Variants in IL4R observed in about 807,000 individuals in gnomAD.
The protein encoded by IL4R is interleukin 4 receptor.
A neutral mutation model predicts 41.5 loss-of-function variants in IL4R; 17 were observed. That is an observed-to-expected ratio of 0.41 (90% CI 0.28 to 0.61). The LOEUF is 0.61. Among genes scored for constraint, IL4R ranks in the 20% least tolerant of loss-of-function variants. IL4R has a pLI of 0.31. For synonymous variants in IL4R, 402 were observed against 422.9 expected (o/e 0.95, Z 0.61); for missense variants, 974 against 1,043.1 (o/e 0.93, Z 0.91).
At chr16:27,350,574 A>C (rs765614669) in intron 6 of IL4R, among the ~76,000 whole-genome samples, 3 of 152,120 alleles carry the variant, frequency 2.0e-5, no homozygotes, top group Non-Finnish European at 4.4e-5. Flanking sequence ...GCTGAGGAAG[A>C]GGAGAGGGAG....
rs867065308 is a variant in IL4R at position 27,348,773 on chromosome 16, G to T, written c.513+2155G>T. Reference sequence around the variant, plus strand: ...GGAGGAGTCACATACCTGCCTCTAGGGCTGCAGGTGGGCTCAGCTCCATCC... The same window carrying T: ...GGAGGAGTCACATACCTGCCTCTAGTGCTGCAGGTGGGCTCAGCTCCATCC... On this transcript the variant is annotated intron_variant, in intron 6 of 10. Transcript: ENST00000395762. Among the ~76,000 whole-genome samples, 94 of 152,164 alleles carry T rather than the reference G, an allele frequency of 6.2e-4. 1 individual carries two copies. The highest frequency in any genetic ancestry group is 1.8e-3 in the African/African-American group (76 of 41,432).
chr16:27,360,076 G>A (rs3024662), intron 9 of IL4R, among the ~76,000 whole-genome samples: 64,552 of 151,404 alleles, frequency 0.43, 14,674 homozygotes, highest in Middle Eastern at 0.51. Context: ...GTGCAATGGC[G>A]TGATCTTGGC....
intron 1 of IL4R, among the ~76,000 whole-genome samples, chr16:27,322,081 A>G (rs2084827370): frequency 2.1e-5 from 3 of 144,430 alleles, no homozygotes; most frequent in Admixed American, 7.0e-5. Context: ...TATATTATCT[A>G]TATTTGTTAT....
At chr16:27,342,030 T>G in intron 3 of IL4R, 91 bp from the exon 4 acceptor site, 1 of 1,456,058 alleles carries the variant, frequency 6.9e-7, no homozygotes, top group Non-Finnish European at 9.4e-7. Flanking sequence ...GCACTGTGCT[T>G]TTGTGCTATT....
chr16:27,324,980 G>A (rs1056631322), intron 1 of IL4R, among the ~76,000 whole-genome samples: 1 of 151,990 alleles, frequency 6.6e-6, no homozygotes, highest in Non-Finnish European at 1.5e-5. Flanking sequence ...CTCCCAAACA[G>A]GCTCAAACCT....
At chr16:27,354,909 C>T (rs1212520604) in intron 7 of IL4R, 1 of 416,950 alleles carries the variant, frequency 2.4e-6, no homozygotes, top group African/African-American at 2.0e-5. Context: ...AGCACAGAAC[C>T]AGGTGCTTGG....
intron 2 of IL4R, among the ~76,000 whole-genome samples, chr16:27,335,316 G>T (rs2085232464): frequency 6.6e-6 from 1 of 152,080 alleles, no homozygotes; most frequent in African/African-American, 2.4e-5. Flanking sequence ...TACAAGTTTT[G>T]CAGGGAGTTA....
At chr16:27,320,415 A>G (rs2084780592) in intron 1 of IL4R, among the ~76,000 whole-genome samples, 1 of 152,150 alleles carries the variant, frequency 6.6e-6, no homozygotes, top group Admixed American at 6.5e-5. Flanking sequence ...CTGGCAGTGG[A>G]GGCTGGAGTC....
chr16:27,350,254 G>T (rs995460405), intron 6 of IL4R, among the ~76,000 whole-genome samples: 2 of 152,130 alleles, frequency 1.3e-5, no homozygotes, highest in Admixed American at 6.5e-5. Flanking sequence ...CTTCCAGGGT[G>T]TAAGATTTCT....
At chr16:27,337,569 CTTTTTCTTTTTTTT>C (rs2085297117) in intron 2 of IL4R, among the ~76,000 whole-genome samples, 2 of 150,484 alleles carry the variant, frequency 1.3e-5, no homozygotes, top group African/African-American at 2.5e-5. Context: ...TTCTTTTTTT[CTTTTTCTTTTTTTT>C]TTTTTTCTCT....
At chr16:27,341,524 C>G (rs2085441675) in intron 3 of IL4R, among the ~76,000 whole-genome samples, 1 of 152,124 alleles carries the variant, frequency 6.6e-6, no homozygotes, top group South Asian at 2.1e-4. Context: ...GTACATCCTG[C>G]CAATTCCAGT....
chr16:27,344,777 C>CCAGGAACCA, intron 4 of IL4R, 92 bp from the exon 5 acceptor site: 1 of 1,283,768 alleles, frequency 7.8e-7, no homozygotes, highest in South Asian at 1.3e-5. Context: ...CTGGAAGAGT[C>CCAGGAACCA]TGATGCGGTT....
At position 27,363,337 on chromosome 16, in the gene IL4R, C is replaced by T. The variant is rs1470862157; in HGVS notation, c.1985C>T (p.Pro662Leu). 6.2e-7 allele frequency: 1 copy of T among 1,613,758 alleles called. No individual in the cohort carries two copies. The highest frequency in any genetic ancestry group is 1.1e-5 in the South Asian group (1 of 91,002). ...ACCTTTGGACTGGACAGGGAGCCAC[C>T]TCGCAGTCCGCAGAGCTCACATCTC... ...LFTFGLDREP[P>L]RSPQSSHLPS... The change falls in exon 11 of 11, where the codon CCT becomes CTT. Residue 662 changes from proline to leucine, a missense_variant. By Grantham distance (98) the Pro-to-Leu change is moderately conservative. This residue lies in a region of IL4R where 682 missense variants were observed against 704.3 expected (regional missense o/e 0.97). Coordinates refer to ENST00000395762, the MANE Select transcript of IL4R (RefSeq NM_000418.4).
At chr16:27,338,801 G>A (rs149726965) in intron 2 of IL4R, among the ~76,000 whole-genome samples, 43 of 152,136 alleles carry the variant, frequency 2.8e-4, no homozygotes, top group Non-Finnish European at 4.4e-4. Flanking sequence ...TCCTAGTGTC[G>A]TGATCTTGGA....
In IL4R at chr16:27,346,607, G is replaced by A. The variant is rs568385218; in HGVS notation, c.502G>A (p.Asp168Asn). The A allele has an allele frequency of 2.5e-5, 40 of 1,614,026 alleles. 1 individual carries two copies. The East Asian group carries it at 7.8e-4, about 31-fold the overall frequency. Reference sequence around the variant, plus strand: ...TGCAGTCAACATTTGGAGTGAAAACGACCCGGCAGATGTGAGTGGGCATGC... The same window carrying A: ...TGCAGTCAACATTTGGAGTGAAAACAACCCGGCAGATGTGAGTGGGCATGC... Reference protein sequence around the residue: ...TYAVNIWSENDPADFRIYNVT... With the variant: ...TYAVNIWSENNPADFRIYNVT... The change falls in exon 6 of 11, where the codon GAC becomes AAC. Residue 168 changes from aspartate to asparagine, a missense_variant. Transcript: ENST00000395762.
At chr16:27,356,805 C>T (rs1416199414) in intron 8 of IL4R, among the ~76,000 whole-genome samples, 2 of 152,134 alleles carry the variant, frequency 1.3e-5, no homozygotes, top group African/African-American at 2.4e-5. Context: ...AACCCCTGAG[C>T]CTGGGGTTCC....
chr16:27,352,739 A>G (rs745924344), intron 7 of IL4R, 43 bp downstream of exon 7: 3 of 1,591,614 alleles, frequency 1.9e-6, no homozygotes, highest in South Asian at 1.1e-5. Context: ...TCCACTCTCC[A>G]TTCTTCCCCT....
chr16:27,357,737 C>G (rs979140826), intron 8 of IL4R, among the ~76,000 whole-genome samples: 1 of 152,090 alleles, frequency 6.6e-6, no homozygotes, highest in East Asian at 1.9e-4. Flanking sequence ...GTGCTGGGTA[C>G]AGGCATGAGC....
In IL4R at chr16:27,364,191, G is replaced by A; in HGVS notation, c.*361G>A. 4.9e-6 allele frequency: 1 copy of A among 206,050 alleles called. No individual in the cohort carries two copies. 12.8% of individuals were successfully genotyped at this position (206,050 alleles called of 1,614,324 possible). On this transcript the variant is annotated 3_prime_UTR_variant, in exon 11 of 11. Coordinates refer to ENST00000395762, the MANE Select transcript of IL4R (RefSeq NM_000418.4). ...ACTGTCCCTGTTGTAACTGCCCAAGGCATGTTTTGCCCACCAGATCATGGC... is the reference window on the plus strand; with the variant it reads ...ACTGTCCCTGTTGTAACTGCCCAAGACATGTTTTGCCCACCAGATCATGGC...
Sources: allele counts gnomAD v4.1 joint callset (sites outside exome capture counted in the v4.1 genomes callset), GRCh38; gene constraint gnomAD v4.1.1; regional missense constraint gnomAD v4.1.1; transcripts MANE v1.5; gene names NCBI Gene and HGNC (gene_info 2026-07-23, HGNC 2026-07-21).